Variants in RSU1 observed in about 807,000 individuals in gnomAD.
The protein encoded by RSU1 is rsu-1.
A neutral mutation model predicts 31.1 loss-of-function variants in RSU1; 26 were observed. The observed-to-expected ratio is 0.84, with a 90% CI of 0.61 to 1.16. The LOEUF (loss-of-function observed/expected upper bound fraction) is 1.16. RSU1 is among the 50% of genes most tolerant of loss of function. RSU1 has a pLI of 0.00. For missense variants in RSU1, 320 were observed against 339.1 expected, an observed-to-expected ratio of 0.94 and a Z score of 0.44; for synonymous variants, 164 against 136.3, an observed-to-expected ratio of 1.20 and a Z score of -1.41.
intron 8 of RSU1, among the ~76,000 whole-genome samples, chr10:16,686,512 C>T (rs1835442900): frequency 6.6e-6 from 1 of 152,146 alleles, no homozygotes; most frequent in South Asian, 2.1e-4. Flanking sequence ...TAACCTGACA[C>T]ATTATGGGTT....
At chr10:16,646,234 C>G (rs1033227613) in intron 8 of RSU1, among the ~76,000 whole-genome samples, 1 of 151,754 alleles carries the variant, frequency 6.6e-6, no homozygotes, top group African/African-American at 2.4e-5. Flanking sequence ...GGAGAAAGCC[C>G]GTTCCCCATT....
intron 8 of RSU1, among the ~76,000 whole-genome samples, chr10:16,597,684 T>C (rs186092429): frequency 5.9e-5 from 9 of 152,348 alleles, no homozygotes; most frequent in Admixed American, 5.9e-4. Flanking sequence ...GATAATTATA[T>C]GATTACCTTC....
At chr10:16,696,174 C>T (rs1179926047) in intron 7 of RSU1, among the ~76,000 whole-genome samples, 1 of 152,188 alleles carries the variant, frequency 6.6e-6, no homozygotes, top group Non-Finnish European at 1.5e-5. Flanking sequence ...ACTTCTCATC[C>T]ATGGCCTGGT....
At chr10:16,770,033 G>A (rs1054516169) in intron 3 of RSU1, among the ~76,000 whole-genome samples, 1 of 152,096 alleles carries the variant, frequency 6.6e-6, no homozygotes, top group African/African-American at 2.4e-5. Flanking sequence ...ATGACCAAGG[G>A]TAGTCATACA....
intron 7 of RSU1, among the ~76,000 whole-genome samples, chr10:16,709,144 C>A (rs143483008): frequency 1.3e-5 from 2 of 151,886 alleles, no homozygotes; most frequent in South Asian, 2.1e-4. Context: ...ATCCCTCCCC[C>A]CTTCCCCCAC....
Position 16,593,418 on chromosome 10 carries a change from T to C in RSU1, c.810A>G (p.Lys270=). The C allele has an allele frequency of 6.2e-7, 1 of 1,614,040 alleles. No homozygotes were observed. Among genetic ancestry groups the C allele is most frequent in the Non-Finnish European group, 8.5e-7 (1 of 1,179,974 alleles). The part of the protein sequence containing the change: ...NNDKSKKISR[K]PLAAKNR Reference sequence around the variant, plus strand: ...CTTATCTGTTCTTGGCTGCCAGGGGTTTCCGGCTGATCTTTTTCGATTTGT... The same window carrying C: ...CTTATCTGTTCTTGGCTGCCAGGGGCTTCCGGCTGATCTTTTTCGATTTGT... Residue 270 remains lysine (K), a synonymous_variant, in exon 9 of 9, where the codon AAA becomes AAG. Coordinates refer to ENST00000345264, the MANE Select transcript of RSU1 (RefSeq NM_012425.4).
chr10:16,694,281 T>C (rs1445467383), intron 8 of RSU1, among the ~76,000 whole-genome samples: 1 of 152,198 alleles, frequency 6.6e-6, no homozygotes, highest in Non-Finnish European at 1.5e-5. Context: ...TCTAAGAGAT[T>C]ATCATCTCAC....
chr10:16,703,374 T>C (rs971988074), intron 7 of RSU1, among the ~76,000 whole-genome samples: 3 of 152,226 alleles, frequency 2.0e-5, no homozygotes, highest in African/African-American at 7.2e-5. Context: ...TGAAAAGCAA[T>C]CTGGCGATTT....
At chr10:16,610,115 A>G (rs1230325695) in intron 8 of RSU1, among the ~76,000 whole-genome samples, 2 of 152,214 alleles carry the variant, frequency 1.3e-5, no homozygotes, top group Non-Finnish European at 2.9e-5. Context: ...TAATTTGATG[A>G]TGAATAATTT....
Position 16,593,380 on chromosome 10 carries a change from T to G in RSU1, c.*14A>C, listed in dbSNP as rs374360643. ...GAGAAGGTGCTGGAAGGCCAGCCGA[T>G]GCCAATCCCTTCCTTATCTGTTCTT... On this transcript the variant is annotated 3_prime_UTR_variant, in exon 9 of 9. Transcript: ENST00000345264. 3.7e-6 allele frequency: 6 copies of G among 1,614,108 alleles called. No homozygotes were observed. In the African/African-American group the frequency reaches 6.7e-5, roughly 18 times the overall value.
intron 2 of RSU1, among the ~76,000 whole-genome samples, chr10:16,806,898 C>T (rs764697800): frequency 2.6e-5 from 4 of 152,182 alleles, no homozygotes; most frequent in Non-Finnish European, 4.4e-5. Flanking sequence ...GGATTACAGG[C>T]ATGTACCACC....
At chr10:16,677,204 T>C (rs1207889726) in intron 8 of RSU1, among the ~76,000 whole-genome samples, 1 of 152,232 alleles carries the variant, frequency 6.6e-6, no homozygotes. Context: ...TCTTTTAAAC[T>C]GGCCAGAACT....
intron 7 of RSU1, among the ~76,000 whole-genome samples, chr10:16,698,084 C>G (rs1353307923): frequency 6.9e-6 from 1 of 145,510 alleles, no homozygotes; most frequent in Non-Finnish European, 1.5e-5. Context: ...GCATTTCTCA[C>G]CACACTGTAT....
At chr10:16,782,242 T>G (rs1044466238) in intron 2 of RSU1, among the ~76,000 whole-genome samples, 158 bp from the exon 3 acceptor site, 1 of 152,234 alleles carries the variant, frequency 6.6e-6, no homozygotes, top group African/African-American at 2.4e-5. Context: ...ACACGATCTA[T>G]TCAATGTTAA....
At chr10:16,651,139 T>C (rs1024360637) in intron 8 of RSU1, among the ~76,000 whole-genome samples, 2 of 152,216 alleles carry the variant, frequency 1.3e-5, no homozygotes, top group Non-Finnish European at 2.9e-5. Context: ...ATCAACGTTT[T>C]TACTACTGAG....
chr10:16,776,574 T>C (rs1200280473), intron 3 of RSU1, among the ~76,000 whole-genome samples: 1 of 152,018 alleles, frequency 6.6e-6, no homozygotes, highest in Non-Finnish European at 1.5e-5. Context: ...TGATGAGATA[T>C]GGTCACAGTG....
intron 2 of RSU1, among the ~76,000 whole-genome samples, chr10:16,784,751 C>T (rs1837734976): frequency 6.6e-6 from 1 of 152,134 alleles, no homozygotes; most frequent in South Asian, 2.1e-4. Context: ...CATTCGATCT[C>T]GTGAGACTTA....
intron 8 of RSU1, among the ~76,000 whole-genome samples, chr10:16,683,101 G>T (rs1835362680): frequency 6.6e-6 from 1 of 151,514 alleles, no homozygotes; most frequent in Admixed American, 6.6e-5. Context: ...TGGTAAATGT[G>T]CATTTCTGGA....
chr10:16,668,557 T>C (rs528062160), intron 8 of RSU1, among the ~76,000 whole-genome samples: 3 of 152,234 alleles, frequency 2.0e-5, no homozygotes, highest in Non-Finnish European at 4.4e-5. Context: ...TTCTATAAAA[T>C]TTGAACATCA....
Sources: allele counts gnomAD v4.1 joint callset (sites outside exome capture counted in the v4.1 genomes callset), GRCh38; gene constraint gnomAD v4.1.1; transcripts MANE v1.5; gene names NCBI Gene and HGNC (gene_info 2026-07-23, HGNC 2026-07-21).